The following AFG1L variants were observed in gnomAD, a reference collection of about 807,000 sequenced individuals.
AFG1L encodes the protein AFG1-like ATPase.
A neutral mutation model predicts 62.2 loss-of-function variants in AFG1L; 53 were observed. The ratio of observed to expected loss-of-function variants is 0.85; its 90% CI spans 0.68 to 1.07. The LOEUF is 1.07. Among genes scored for constraint, AFG1L ranks in the 50% least tolerant of loss-of-function variants. The probability of loss-of-function intolerance (pLI) is 0.00; values close to 1 mark genes in which losing one functional copy is unlikely to be tolerated. For synonymous variants in AFG1L, 228 were observed against 210.3 expected (o/e 1.08, Z -0.73); for missense variants, 555 against 590.5 (o/e 0.94, Z 0.62).
chr6:108,368,649 T>C (rs933697370), intron 6 of AFG1L, among the ~76,000 whole-genome samples: 2 of 152,214 alleles, frequency 1.3e-5, no homozygotes, highest in African/African-American at 4.8e-5. Context: ...GATGTGTTGA[T>C]TTGACAGTGG....
At chr6:108,461,409 A>G (rs1772457911) in intron 8 of AFG1L, among the ~76,000 whole-genome samples, 1 of 152,178 alleles carries the variant, frequency 6.6e-6, no homozygotes, top group Non-Finnish European at 1.5e-5. Context: ...CAAAACAACA[A>G]CTTTTTGTTT....
At chr6:108,485,648 ATATATATATTTTTTT>A (rs1179247887) in intron 10 of AFG1L, among the ~76,000 whole-genome samples, 4 of 21,628 alleles carry the variant, frequency 1.8e-4, no homozygotes, top group South Asian at 4.3e-3. Context: ...ATATATATAT[ATATATATATTTTTTT>A]TTTTTTTTTT....
At chr6:108,378,878 C>T (rs1252928063) in intron 6 of AFG1L, among the ~76,000 whole-genome samples, 2 of 150,164 alleles carry the variant, frequency 1.3e-5, no homozygotes, top group Non-Finnish European at 3.0e-5. Flanking sequence ...ATTAATTCTT[C>T]TTTCCTTTCC....
At chr6:108,422,844 A>C (rs182997057) in intron 7 of AFG1L, among the ~76,000 whole-genome samples, 149 of 152,162 alleles carry the variant, frequency 9.8e-4, no homozygotes, top group African/African-American at 3.6e-3. Flanking sequence ...GAGTAGTTTT[A>C]CTATGACGTT....
chr6:108,321,986 C>T (rs143835723), intron 1 of AFG1L, among the ~76,000 whole-genome samples: 86 of 152,238 alleles, frequency 5.6e-4, no homozygotes, highest in African/African-American at 1.9e-3. Flanking sequence ...GGGCTTAAGC[C>T]GTCCTCCTAC....
At chr6:108,465,266 A>G (rs906425508) in intron 8 of AFG1L, among the ~76,000 whole-genome samples, 1 of 152,214 alleles carries the variant, frequency 6.6e-6, no homozygotes, top group African/African-American at 2.4e-5. Flanking sequence ...ATCATGTTAA[A>G]TTTAGTGCCG....
In AFG1L at chr6:108,447,261, A is replaced by G; in HGVS notation, c.855A>G (p.Lys285=). 1.2e-6 allele frequency: 2 copies of G among 1,609,174 alleles called. No individual in the cohort carries two copies. Among genetic ancestry groups the G allele is most frequent in the Non-Finnish European group, 1.7e-6 (2 of 1,175,728 alleles). The part of the protein sequence containing the change: ...VQLDSGIDYR[K]RELPAAGKLY... Reference sequence around the variant, plus strand: ...TAGATTCTGGGATAGATTACCGGAAAAGGGAACTTCCTGCTGCAGGAAAAC... The same window carrying G: ...TAGATTCTGGGATAGATTACCGGAAGAGGGAACTTCCTGCTGCAGGAAAAC... Residue 285 remains lysine (K), a synonymous_variant, in exon 8 of 13, where the codon AAA becomes AAG. Transcript: ENST00000368977.
In AFG1L at chr6:108,385,597, G is replaced by A. The variant is rs7740641; in HGVS notation, c.749-16399G>A. Among the ~76,000 whole-genome samples the A allele has an allele frequency of 4.8e-3, 725 of 152,274 alleles. 7 individuals carry two copies. The highest frequency in any genetic ancestry group is 0.017 in the African/African-American group (698 of 41,550). On this transcript the variant is annotated intron_variant, in intron 6 of 12. Transcript: ENST00000368977. Reference sequence around the variant, plus strand: ...CGAGGCTCTCAGCTCTGAAGGCTGTGAGACCACTGATTTCCCACTCCACAC... The same window carrying A: ...CGAGGCTCTCAGCTCTGAAGGCTGTAAGACCACTGATTTCCCACTCCACAC...
At chr6:108,437,936 A>T (rs1405026049) in intron 7 of AFG1L, among the ~76,000 whole-genome samples, 1 of 152,180 alleles carries the variant, frequency 6.6e-6, no homozygotes, top group Non-Finnish European at 1.5e-5. Flanking sequence ...CCTACAAACT[A>T]TGTGGCCTCT....
intron 10 of AFG1L, among the ~76,000 whole-genome samples, chr6:108,489,190 G>A (rs567266772): frequency 4.6e-5 from 7 of 152,252 alleles, no homozygotes; most frequent in African/African-American, 7.2e-5. Context: ...TTTTTAGCTC[G>A]AAGAACCAGA....
intron 1 of AFG1L, among the ~76,000 whole-genome samples, chr6:108,309,573 A>T (rs1172246943): frequency 1.3e-5 from 2 of 152,316 alleles, no homozygotes; most frequent in Admixed American, 1.3e-4. Flanking sequence ...TATAAAATTT[A>T]AAAAGGATAC....
At chr6:108,328,109 T>A (rs1046120083) in intron 2 of AFG1L, among the ~76,000 whole-genome samples, 9 of 152,148 alleles carry the variant, frequency 5.9e-5, no homozygotes, top group African/African-American at 2.2e-4. Flanking sequence ...ACCAAAAAAT[T>A]TGAAAAATAT....
chr6:108,331,133 A>G (rs1778262619), intron 2 of AFG1L, among the ~76,000 whole-genome samples: 1 of 152,116 alleles, frequency 6.6e-6, no homozygotes, highest in African/African-American at 2.4e-5. Flanking sequence ...ACCAAAAAAA[A>G]AAAATTAGCT....
At chr6:108,485,501 A>G (rs1773501688) in intron 10 of AFG1L, among the ~76,000 whole-genome samples, 1 of 150,638 alleles carries the variant, frequency 6.6e-6, no homozygotes, top group Admixed American at 6.7e-5. Context: ...TTTTCAGGTC[A>G]CTTCTACTCT....
At chr6:108,365,482 G>GGT (rs1779717782) in intron 5 of AFG1L, among the ~76,000 whole-genome samples, 1 of 119,260 alleles carries the variant, frequency 8.4e-6, no homozygotes, top group Admixed American at 9.2e-5. Flanking sequence ...CTTGAAAGGT[G>GGT]GTTTTTTTTG....
intron 2 of AFG1L, among the ~76,000 whole-genome samples, chr6:108,335,056 C>T (rs924177879): frequency 9.9e-5 from 15 of 151,374 alleles, no homozygotes; most frequent in African/African-American, 2.9e-4. Flanking sequence ...TGTAGTGGCA[C>T]GATCTCAGCT....
chr6:108,413,501 G>A (rs1245849415), intron 7 of AFG1L, among the ~76,000 whole-genome samples: 3 of 152,058 alleles, frequency 2.0e-5, no homozygotes, highest in African/African-American at 7.2e-5. Context: ...TTCCAAAATT[G>A]ACCACATAGT....
chr6:108,370,633 A>G (rs908203463), intron 6 of AFG1L, among the ~76,000 whole-genome samples: 6 of 152,086 alleles, frequency 3.9e-5, no homozygotes, highest in African/African-American at 1.4e-4. Flanking sequence ...GATAGATTTG[A>G]GAGAGATTTA....
At chr6:108,443,189 T>C (rs1301785125) in intron 7 of AFG1L, among the ~76,000 whole-genome samples, 1 of 152,096 alleles carries the variant, frequency 6.6e-6, no homozygotes, top group Non-Finnish European at 1.5e-5. Flanking sequence ...TCAGTAAGAG[T>C]GGCTACAGCT....
Sources: allele counts gnomAD v4.1 joint callset (sites outside exome capture counted in the v4.1 genomes callset), GRCh38; gene constraint gnomAD v4.1.1; transcripts MANE v1.5; gene names NCBI Gene and HGNC (gene_info 2026-07-23, HGNC 2026-07-21).